Variants in GABRA5 observed in about 807,000 individuals in gnomAD.
GABRA5 encodes gamma-aminobutyric acid receptor subunit alpha-5.
Under a neutral mutation model 47.3 loss-of-function variants are expected in GABRA5, and 18 were observed. The observed-to-expected ratio is 0.38, with a 90% CI of 0.26 to 0.56. GABRA5 has a LOEUF of 0.56. GABRA5 is among the 20% of genes least tolerant of loss of function. The pLI is 0.71. For synonymous variants in GABRA5, 237 were observed against 229.3 expected (o/e 1.03, Z -0.30); for missense variants, 365 against 599.3 (o/e 0.61, Z 4.08).
intron 3 of GABRA5, among the ~76,000 whole-genome samples, chr15:26,873,035 C>T (rs961583536): frequency 1.3e-5 from 2 of 152,080 alleles, no homozygotes; most frequent in Admixed American, 1.3e-4. Flanking sequence ...GAACAGAGAC[C>T]AAGTCAAGTA....
At chr15:26,887,877 G>A (rs1391079860) in intron 6 of GABRA5, among the ~76,000 whole-genome samples, 4 of 152,046 alleles carry the variant, frequency 2.6e-5, no homozygotes, top group African/African-American at 4.8e-5. Context: ...CAGCATATCC[G>A]TCACCTCAAA....
chr15:26,880,952 C>T lies in GABRA5; in HGVS notation c.193C>T (p.Arg65Trp). The T allele has an allele frequency of 2.5e-6, 4 of 1,613,866 alleles. No individual in the cohort carries two copies. Among genetic ancestry groups the T allele is most frequent in the East Asian group, 2.2e-5 (1 of 44,868 alleles). Reference protein sequence around the residue: ...GLLDGYDNRLRPGLGERITQV... With the variant: ...GLLDGYDNRLWPGLGERITQV... ...CTTGGATGGCTACGACAACAGACTTCGGCCCGGGCTGGGAGGTGAGTGTGC... is the reference window on the plus strand; with the variant it reads ...CTTGGATGGCTACGACAACAGACTTTGGCCCGGGCTGGGAGGTGAGTGTGC... Residue 65 changes from arginine (R) to tryptophan (W), a missense_variant, in exon 4 of 11, where the codon CGG becomes TGG. By Grantham distance (101) the Arg-to-Trp change is moderately radical. Around this residue, in one of 3 missense-constraint regions of GABRA5, gnomAD observed 216 missense variants for 335.3 expected, o/e 0.64. Transcript: ENST00000335625.
intron 6 of GABRA5, among the ~76,000 whole-genome samples, chr15:26,906,998 G>A (rs1419584912): frequency 6.6e-6 from 1 of 152,110 alleles, no homozygotes; most frequent in Non-Finnish European, 1.5e-5. Flanking sequence ...CTTTTCAGTG[G>A]CCAAAGAGGA....
intron 6 of GABRA5, among the ~76,000 whole-genome samples, chr15:26,896,682 A>G (rs1325448174): frequency 6.6e-5 from 10 of 152,142 alleles, no homozygotes; most frequent in Admixed American, 6.5e-4. Flanking sequence ...TGCTAGTGTG[A>G]TTATACACAC....
At chr15:26,930,006 C>CTTCTTTTT (rs1383514715) in intron 7 of GABRA5, among the ~76,000 whole-genome samples, 1 of 113,416 alleles carries the variant, frequency 8.8e-6, no homozygotes, top group African/African-American at 3.5e-5. Context: ...TCTTCTTCTT[C>CTTCTTTTT]TTTTTTTTTT....
chr15:26,887,250 A>AT (rs1412972491), intron 6 of GABRA5, among the ~76,000 whole-genome samples: 1 of 152,060 alleles, frequency 6.6e-6, no homozygotes, highest in African/African-American at 2.4e-5. Flanking sequence ...TGTATCTTTA[A>AT]TTTTTTTTCA....
chr15:26,942,774 T>C (rs187805775), intron 9 of GABRA5, among the ~76,000 whole-genome samples: 191 of 152,228 alleles, frequency 1.3e-3, no homozygotes, highest in South Asian at 2.1e-3. Context: ...CTAAGTGCAG[T>C]GAATGTGCTA....
At chr15:26,917,021 A>G (rs746065049) in intron 7 of GABRA5, among the ~76,000 whole-genome samples, 1 of 152,016 alleles carries the variant, frequency 6.6e-6, no homozygotes, top group Non-Finnish European at 1.5e-5. Context: ...ATAGATAGGG[A>G]GAGTTTCACT....
chr15:26,902,619 A>G (rs987814637), intron 6 of GABRA5, among the ~76,000 whole-genome samples: 1 of 152,006 alleles, frequency 6.6e-6, no homozygotes, highest in Non-Finnish European at 1.5e-5. Context: ...TCTTTAATCT[A>G]TATAAATTTT....
intron 4 of GABRA5, among the ~76,000 whole-genome samples, chr15:26,882,678 C>A (rs190555865): frequency 4.9e-4 from 75 of 152,312 alleles, no homozygotes; most frequent in Admixed American, 1.2e-3. Context: ...GCGCACTGGG[C>A]ACATTCTCAA....
chr15:26,880,936 C>G lies in GABRA5; in HGVS notation c.177C>G (p.Gly59=). The change falls in exon 4 of 11, where the codon GGC becomes GGG. Residue 59 remains glycine (G), a synonymous_variant. Coordinates refer to ENST00000335625, the MANE Select transcript of GABRA5 (RefSeq NM_000810.4). ...FTRILDGLLD[G]YDNRLRPGLG... is the part of the protein sequence containing the mutation. The stretch of plus-strand genomic sequence containing the variant: ...GGATCTTGGATGGGCTCTTGGATGG[C>G]TACGACAACAGACTTCGGCCCGGGC... The G allele has an allele frequency of 6.2e-6, 10 of 1,613,988 alleles. No homozygotes were observed. Among genetic ancestry groups the G allele is most frequent in the Non-Finnish European group, 8.5e-6 (10 of 1,179,882 alleles).
chr15:26,879,601 T>A (rs1892679350), intron 3 of GABRA5, among the ~76,000 whole-genome samples: 1 of 152,238 alleles, frequency 6.6e-6, no homozygotes, highest in African/African-American at 2.4e-5. Flanking sequence ...TTCTTTATTC[T>A]CTCATTCTAT....
chr15:26,942,091 C>G (rs1297307126), intron 9 of GABRA5, among the ~76,000 whole-genome samples: 1 of 152,158 alleles, frequency 6.6e-6, no homozygotes, highest in African/African-American at 2.4e-5. Context: ...CTGCGAGAGT[C>G]CAGCAGGCCT....
At chr15:26,889,800 A>G (rs955380750) in intron 6 of GABRA5, among the ~76,000 whole-genome samples, 24 of 152,252 alleles carry the variant, frequency 1.6e-4, no homozygotes, top group Admixed American at 5.9e-4. Context: ...AGTGCGGAAT[A>G]TGGTTATGAT....
intron 7 of GABRA5, among the ~76,000 whole-genome samples, chr15:26,921,890 T>C (rs1238457216): frequency 6.6e-6 from 1 of 152,174 alleles, no homozygotes; most frequent in Non-Finnish European, 1.5e-5. Flanking sequence ...TTCCAACTGT[T>C]TGTAGATTTT....
chr15:26,928,508 C>T (rs980711259), intron 7 of GABRA5, among the ~76,000 whole-genome samples: 8 of 152,038 alleles, frequency 5.3e-5, no homozygotes, highest in Admixed American at 2.6e-4. Flanking sequence ...AAACCCAATC[C>T]CCAGTGTATT....
chr15:26,910,630 T>TA (rs1190701589), intron 6 of GABRA5, among the ~76,000 whole-genome samples: 6 of 151,648 alleles, frequency 4.0e-5, no homozygotes, highest in Admixed American at 2.6e-4. Context: ...TTCCTTATCC[T>TA]AAAATCAAGA....
intron 7 of GABRA5, among the ~76,000 whole-genome samples, chr15:26,924,228 G>GAACCT (rs1472350484): frequency 6.7e-6 from 1 of 149,892 alleles, no homozygotes; most frequent in Admixed American, 6.7e-5. Context: ...CACTGGGTCA[G>GAACCT]GGTAGAAATC....
At chr15:26,881,089 T>C (rs933168461) in intron 4 of GABRA5, 122 bp downstream of exon 4, 22 of 1,085,186 alleles carry the variant, frequency 2.0e-5, no homozygotes, top group Non-Finnish European at 2.7e-5. Context: ...AGGATTTTGG[T>C]ATGATGGCTG....
Sources: allele counts gnomAD v4.1 joint callset (sites outside exome capture counted in the v4.1 genomes callset), GRCh38; gene constraint gnomAD v4.1.1; regional missense constraint gnomAD v4.1.1; transcripts MANE v1.5; gene names NCBI Gene and HGNC (gene_info 2026-07-23, HGNC 2026-07-21).